The following EXOC6 variants were observed in gnomAD, a reference collection of about 807,000 sequenced individuals.
EXOC6 encodes the protein exocyst complex component 6.
A neutral mutation model predicts 112.5 loss-of-function variants in EXOC6; 60 were observed. The observed-to-expected ratio is 0.53, with a 90% CI of 0.43 to 0.66. The LOEUF (loss-of-function observed/expected upper bound fraction) is 0.66. Ranked by LOEUF, EXOC6 falls within the 30% of genes least tolerant of loss-of-function variation. The pLI, the probability that EXOC6 is intolerant of heterozygous loss-of-function variation, is 0.00. For synonymous variants in EXOC6, 295 were observed against 308.0 expected, an observed-to-expected ratio of 0.96 and a Z score of 0.44; for missense variants, 855 against 957.1, an observed-to-expected ratio of 0.89 and a Z score of 1.41.
At chr10:92,915,565 ATTT>A (rs1172917198) in intron 6 of EXOC6, among the ~76,000 whole-genome samples, 190 bp from the exon 7 acceptor site, 1 of 109,238 alleles carries the variant, frequency 9.2e-6, no homozygotes, top group Non-Finnish European at 1.8e-5. Context: ...TGAGACCCTG[ATTT>A]TTTTTTTTTT....
upstream of EXOC6, among the ~76,000 whole-genome samples, chr10:92,846,400 C>T (rs879571671): frequency 1.3e-5 from 2 of 152,178 alleles, no homozygotes; most frequent in Non-Finnish European, 2.9e-5. Flanking sequence ...CATAGTTCAC[C>T]GCAGCCTCGA....
chr10:92,848,675 A>C (rs1050124951), intron 1 of EXOC6, 41 bp downstream of exon 1: 1 of 1,292,448 alleles, frequency 7.7e-7, no homozygotes, highest in Non-Finnish European at 1.0e-6. Context: ...CCCCCGCCCC[A>C]CGCCGGCCGC....
At chr10:92,850,514 CTTT>C (rs1018048580) in intron 1 of EXOC6, among the ~76,000 whole-genome samples, 16 of 151,776 alleles carry the variant, frequency 1.1e-4, no homozygotes, top group Admixed American at 9.2e-4. Flanking sequence ...TATTTTTTCC[CTTT>C]TTTTTCAGGT....
At chr10:92,842,950 G>A (rs1846909518) in intron 1 of EXOC6, among the ~76,000 whole-genome samples, 1 of 152,170 alleles carries the variant, frequency 6.6e-6, no homozygotes, top group South Asian at 2.1e-4. Context: ...TGAACCAAAG[G>A]CAACTGCGTA....
upstream of EXOC6, among the ~76,000 whole-genome samples, chr10:92,832,299 C>T (rs376686000): frequency 7.3e-5 from 11 of 151,662 alleles, no homozygotes; most frequent in East Asian, 9.6e-4. Flanking sequence ...TTTTTTGAGA[C>T]GGAGTTTTGC....
chr10:93,014,307 A>C, intron 20 of EXOC6, 40 bp downstream of exon 20: 1 of 1,483,342 alleles, frequency 6.7e-7, no homozygotes, highest in Non-Finnish European at 9.3e-7. Context: ...TTGCCCTCTA[A>C]CTCTTGCCCT....
intron 20 of EXOC6, among the ~76,000 whole-genome samples, chr10:93,023,526 A>G (rs1449365196): frequency 6.6e-6 from 1 of 152,232 alleles, no homozygotes; most frequent in African/African-American, 2.4e-5. Flanking sequence ...TACTGGTGCC[A>G]CATTATGTGA....
chr10:92,889,969 A>G (rs751222655), intron 1 of EXOC6, among the ~76,000 whole-genome samples: 19 of 152,178 alleles, frequency 1.2e-4, no homozygotes, highest in Non-Finnish European at 1.9e-4. Flanking sequence ...CTGCCTTTCT[A>G]TATAAACCCA....
chr10:92,942,694 ATCT>A (rs1357774741), intron 13 of EXOC6, among the ~76,000 whole-genome samples: 5 of 152,198 alleles, frequency 3.3e-5, no homozygotes, highest in Non-Finnish European at 2.9e-5. Flanking sequence ...TAGTTATAAA[ATCT>A]TATAGACTTG....
chr10:92,911,903 C>T (rs1208047645), intron 6 of EXOC6, among the ~76,000 whole-genome samples: 1 of 9,616 alleles, frequency 1.0e-4, no homozygotes. Context: ...TTGTGGGTTT[C>T]TCTCTCTCTC....
At chr10:92,903,373 ATTT>A (rs58146053) in intron 5 of EXOC6, among the ~76,000 whole-genome samples, 1 of 145,890 alleles carries the variant, frequency 6.9e-6, no homozygotes, top group Non-Finnish European at 1.5e-5. Context: ...GAATAAACAA[ATTT>A]TTTTTTTTTT....
At chr10:92,848,225 CAAG>C (rs1356661447), upstream of EXOC6, among the ~76,000 whole-genome samples, 3 of 152,094 alleles carry the variant, frequency 2.0e-5, no homozygotes, top group East Asian at 5.8e-4. Flanking sequence ...ACACAGAAGA[CAAG>C]GAGATATGTT....
chr10:92,972,910 G>A lies in EXOC6; in HGVS notation c.1774-1143G>A, dbSNP rs75022459. ...CACAGCCCTATGTATGTATGTGGCC[G>A]TTTAGATGCCCAGGAATCTGTTAGA... On this transcript the variant is annotated intron_variant, in intron 17 of 21. Transcript: ENST00000260762. Among the ~76,000 whole-genome samples, 713 of 152,254 alleles carry A rather than the reference G, an allele frequency of 4.7e-3. 45 individuals carry two copies. In the East Asian group the frequency reaches 0.12, roughly 27 times the overall value.
At chr10:93,035,712 G>T (rs974119604) in intron 20 of EXOC6, among the ~76,000 whole-genome samples, 1 of 151,950 alleles carries the variant, frequency 6.6e-6, no homozygotes, top group African/African-American at 2.4e-5. Context: ...AAAATTAGAC[G>T]AGTGCATTGG....
chr10:92,929,267 G>GA (rs1221658893), intron 9 of EXOC6, among the ~76,000 whole-genome samples: 2 of 152,108 alleles, frequency 1.3e-5, no homozygotes, highest in Non-Finnish European at 2.9e-5. Context: ...GAGTGAACGA[G>GA]AGAAAAAATC....
At chr10:92,896,632 G>A (rs1457475366) in intron 4 of EXOC6, among the ~76,000 whole-genome samples, 1 of 151,816 alleles carries the variant, frequency 6.6e-6, no homozygotes, top group Non-Finnish European at 1.5e-5. Context: ...CTGTTGGCCA[G>A]GCTGGAGTGC....
chr10:92,873,136 G>T (rs1413231908), intron 1 of EXOC6, among the ~76,000 whole-genome samples: 1 of 151,862 alleles, frequency 6.6e-6, no homozygotes, highest in Non-Finnish European at 1.5e-5. Flanking sequence ...CTCATTTTTT[G>T]CATTTTACCA....
intron 1 of EXOC6, among the ~76,000 whole-genome samples, chr10:92,866,961 G>A (rs1440820611): frequency 6.6e-6 from 1 of 152,090 alleles, no homozygotes; most frequent in Non-Finnish European, 1.5e-5. Flanking sequence ...TCAGAACAGA[G>A]TTTCTTTCAT....
intron 13 of EXOC6, among the ~76,000 whole-genome samples, chr10:92,947,341 C>G (rs1853085472): frequency 1.3e-5 from 2 of 152,214 alleles, no homozygotes; most frequent in African/African-American, 4.8e-5. Flanking sequence ...AGGCTTTAAA[C>G]TCAAAGCAAC....
Sources: allele counts gnomAD v4.1 joint callset (sites outside exome capture counted in the v4.1 genomes callset), GRCh38; gene constraint gnomAD v4.1.1; transcripts MANE v1.5; gene names NCBI Gene and HGNC (gene_info 2026-07-23, HGNC 2026-07-21).